Variants in CPHXL2 observed in about 807,000 individuals in gnomAD.
CPHXL2 encodes the protein cytoplasmic polyadenylated homeobox like 2.
the CPHXL2 span, among the ~76,000 whole-genome samples, chr16:75,664,926 A>G: frequency 6.6e-6 from 1 of 152,180 alleles, no homozygotes; most frequent in African/African-American, 2.4e-5. Flanking sequence ...CAGCCCTTTG[A>G]CCTTGGACTT....
chr16:75,673,865 A>G, the CPHXL2 span, among the ~76,000 whole-genome samples: 2 of 152,050 alleles, frequency 1.3e-5, no homozygotes, highest in East Asian at 1.9e-4. Context: ...CTGTGGTCCC[A>G]GATACTTGGG....
At chr16:75,668,230 TA>T in the CPHXL2 span, among the ~76,000 whole-genome samples, 43,641 of 127,708 alleles carry the variant, frequency 0.34, 8,326 homozygotes, top group African/African-American at 0.63. Context: ...TATACATATA[TA>T]TTTTTTTTTT....
the CPHXL2 span, among the ~76,000 whole-genome samples, chr16:75,669,886 C>A: frequency 6.6e-6 from 1 of 152,210 alleles, no homozygotes; most frequent in Non-Finnish European, 1.5e-5. Context: ...TGTCCAGGGT[C>A]CACACAGCCT....
chr16:75,674,888 T>C, the CPHXL2 span, among the ~76,000 whole-genome samples: 375 of 152,038 alleles, frequency 2.5e-3, 2 homozygotes, highest in Non-Finnish European at 5.3e-4. Context: ...TTTTGTATTT[T>C]TAATAGAGAT....
chr16:75,663,187 C>G, the CPHXL2 span, among the ~76,000 whole-genome samples: 1 of 152,210 alleles, frequency 6.6e-6, no homozygotes, highest in Non-Finnish European at 1.5e-5. Context: ...TTTCCATGCC[C>G]TGTGCTACTA....
the CPHXL2 span, among the ~76,000 whole-genome samples, chr16:75,663,453 C>A: frequency 6.6e-6 from 1 of 152,194 alleles, no homozygotes; most frequent in Non-Finnish European, 1.5e-5. Context: ...ACGGACCCCT[C>A]CTCTCAGCCA....
chr16:75,674,372 C>CAAAAAAA, the CPHXL2 span, among the ~76,000 whole-genome samples: 361 of 53,348 alleles, frequency 6.8e-3, 12 homozygotes, highest in African/African-American at 0.024. Flanking sequence ...GACTCCGTCT[C>CAAAAAAA]AAAAAAAAAA....
the CPHXL2 span, among the ~76,000 whole-genome samples, chr16:75,661,850 C>T: frequency 6.6e-6 from 1 of 152,120 alleles, no homozygotes; most frequent in African/African-American, 2.4e-5. Flanking sequence ...TTCCTCTGCT[C>T]TCATACCACA....
At chr16:75,674,842 T>C in the CPHXL2 span, among the ~76,000 whole-genome samples, 836 of 151,458 alleles carry the variant, frequency 5.5e-3, 13 homozygotes, top group African/African-American at 0.019. Flanking sequence ...CCTGAATAGC[T>C]GGGAGTACTG....
chr16:75,666,506 G>C, the CPHXL2 span, among the ~76,000 whole-genome samples: 1 of 151,544 alleles, frequency 6.6e-6, no homozygotes, highest in Non-Finnish European at 1.5e-5. Flanking sequence ...TACGTGGGAG[G>C]CTGAGGCAGG....
chr16:75,669,267 G>T, the CPHXL2 span: 2 of 395,464 alleles, frequency 5.1e-6, no homozygotes, highest in South Asian at 2.8e-4. Flanking sequence ...AGTGAGCCGT[G>T]ATCGCTCCAT....
the CPHXL2 span, chr16:75,676,935 A>C: frequency 3.8e-5 from 15 of 398,450 alleles, no homozygotes; most frequent in African/African-American, 2.9e-4. Context: ...ATTTTCATGG[A>C]AACAGTCTTC....
chr16:75,663,885 C>CAAAAAAAA, the CPHXL2 span, among the ~76,000 whole-genome samples: 809 of 85,370 alleles, frequency 9.5e-3, 22 homozygotes, highest in African/African-American at 0.035. Context: ...GACTCTGTCT[C>CAAAAAAAA]AAAAAAAAAA....
the CPHXL2 span, among the ~76,000 whole-genome samples, chr16:75,675,242 G>A: frequency 0.056 from 8,411 of 149,614 alleles, 290 homozygotes; most frequent in African/African-American, 0.087. Context: ...GGCTGGTCTT[G>A]AACTTTTGAC....
At chr16:75,676,879 A>G in the CPHXL2 span, 1 of 398,290 alleles carries the variant, frequency 2.5e-6, no homozygotes, top group Non-Finnish European at 4.4e-6. Flanking sequence ...GACTGCCCAC[A>G]ATCTTCACTA....
chr16:75,668,128 G>C, the CPHXL2 span, among the ~76,000 whole-genome samples: 4 of 151,822 alleles, frequency 2.6e-5, no homozygotes, highest in East Asian at 7.7e-4. Context: ...CATACCCACT[G>C]TATTTTCACA....
At chr16:75,675,006 T>G in the CPHXL2 span, among the ~76,000 whole-genome samples, 1 of 150,268 alleles carries the variant, frequency 6.7e-6, no homozygotes, top group African/African-American at 2.4e-5. Context: ...CTGGCCAATA[T>G]GGTGAAACCC....
the CPHXL2 span, chr16:75,669,699 T>G: frequency 5.6e-5 from 22 of 394,102 alleles, no homozygotes; most frequent in African/African-American, 4.5e-4. Flanking sequence ...AATAATAAAA[T>G]TACACATGAA....
the CPHXL2 span, chr16:75,661,149 A>G: frequency 2.5e-6 from 1 of 400,746 alleles, no homozygotes; most frequent in African/African-American, 2.1e-5. Context: ...GAGGCTTAAA[A>G]ATGGACAGGC....
Sources: gnomAD v4.1 joint callset for allele counts (sites outside exome capture counted in the v4.1 genomes callset) on GRCh38, gnomAD v4.1.1 for gene constraint, MANE v1.5 for transcripts, NCBI Gene and HGNC (gene_info 2026-07-23, HGNC 2026-07-21) for gene names.